CCNQ: variants seen among roughly 807,000 people sequenced by gnomAD.
CCNQ encodes the protein cyclin-Q.
In CCNQ, 3 loss-of-function variants were observed where a neutral mutation model predicts 17.7. The observed-to-expected ratio is 0.17, with a 90% CI of 0.08 to 0.44. CCNQ has a LOEUF of 0.44. CCNQ is among the 20% of genes least tolerant of loss of function. The pLI is 0.99. For synonymous variants in CCNQ, 73 were observed against 96.0 expected, an observed-to-expected ratio of 0.76 and a Z score of 1.40; for missense variants, 146 against 222.6, an observed-to-expected ratio of 0.66 and a Z score of 2.19.
intron 2 of CCNQ, among the ~76,000 whole-genome samples, chrX:153,595,103 A>AT (rs1399513234): frequency 4.4e-4 from 50 of 112,526 alleles, no homozygotes; most frequent in African/African-American, 1.3e-3. Flanking sequence ...CAAGGAACGT[A>AT]TTTTTTTAAC....
chrX:153,592,773 G>A lies in CCNQ; in HGVS notation c.430-40C>T, dbSNP rs782404354. 4 of 1,110,197 alleles carry A rather than the reference G, an allele frequency of 3.6e-6. No homozygotes were observed. In the East Asian group the frequency reaches 9.4e-5, roughly 26 times the overall value. 91.5% of individuals were successfully genotyped at this position (1,110,197 alleles called of 1,213,427 possible). A position where few individuals can be genotyped will look rare whatever the true frequency, so the allele number is the denominator to read the frequency against. On this transcript the variant is annotated intron_variant, in intron 3 of 4. Coordinates refer to ENST00000576892, the MANE Select transcript of CCNQ (RefSeq NM_152274.5). ...GTGTCAGCCTTTAGGCCCACCAGCTGCTCTCCTCATGCTGACATAATCATA... is the reference window on the plus strand; with the variant it reads ...GTGTCAGCCTTTAGGCCCACCAGCTACTCTCCTCATGCTGACATAATCATA...
Position 153,593,232 on chromosome X carries a change from C to T in CCNQ, c.430-499G>A, listed in dbSNP as rs143182581. Among the ~76,000 whole-genome samples, 9 of 112,907 alleles carry T rather than the reference C, an allele frequency of 8.0e-5. No homozygotes were observed. The East Asian group carries it at 1.4e-3, about 17-fold the overall frequency. ...CCAGCTCCTGCTCTCAGAACACTGACATTTTGCCAGAACCTCACACAATAA... is the reference window on the plus strand; with the variant it reads ...CCAGCTCCTGCTCTCAGAACACTGATATTTTGCCAGAACCTCACACAATAA... On this transcript the variant is annotated intron_variant, in intron 3 of 4. Coordinates refer to ENST00000576892, the MANE Select transcript of CCNQ (RefSeq NM_152274.5).
chrX:153,595,811 C>T (rs1332013883), intron 2 of CCNQ, among the ~76,000 whole-genome samples, 193 bp downstream of exon 2: 1 of 112,753 alleles, frequency 8.9e-6, no homozygotes, highest in Non-Finnish European at 1.9e-5. Flanking sequence ...CTCTCACAGA[C>T]CCCACTGGCC....
Position 153,599,066 on chromosome X carries a change from G to A in CCNQ, c.8C>T (p.Ala3Val), listed in dbSNP as rs1461603323. 2 of 1,036,042 alleles carry A rather than the reference G, an allele frequency of 1.9e-6. No individual in the cohort carries two copies. The highest frequency in any genetic ancestry group is 2.5e-6 in the Non-Finnish European group (2 of 804,900). The allele number at this position is 1,036,042 out of a possible 1,213,427, so 85.4% of individuals were successfully genotyped here. A position where few individuals can be genotyped will look rare whatever the true frequency, so the allele number is the denominator to read the frequency against. ME[A>V]PEGGGGGPAA... Reference sequence around the variant, plus strand: ...AGGCCCCCCTCCGCCGCCCTCCGGGGCTTCCATGAGGCGCCGCGGCACCGG... The same window carrying A: ...AGGCCCCCCTCCGCCGCCCTCCGGGACTTCCATGAGGCGCCGCGGCACCGG... Residue 3 changes from alanine to valine, a missense_variant, in exon 1 of 5, where the codon GCC becomes GTC. Physicochemically the swap from Ala to Val is moderately conservative, Grantham distance 64 (BLOSUM62 0). Coordinates refer to ENST00000576892, the MANE Select transcript of CCNQ (RefSeq NM_152274.5).
chrX:153,594,696 C>T lies in CCNQ; in HGVS notation c.297-17G>A. 8.3e-7 allele frequency: 1 copy of T among 1,211,249 alleles called. No homozygotes were observed. Among genetic ancestry groups the T allele is most frequent in the Non-Finnish European group, 1.1e-6 (1 of 895,055 alleles). ...TTAAAGTACCTGCGCAGAGAAATGG[C>T]AATGCTTCAGCAGCCAGGGCAGTCT... On this transcript the variant is annotated splice_polypyrimidine_tract_variant and intron_variant, in intron 2 of 4. Transcript: ENST00000576892.
chrX:153,593,589 C>A (rs2091006874), intron 3 of CCNQ, among the ~76,000 whole-genome samples: 1 of 112,409 alleles, frequency 8.9e-6, no homozygotes, highest in South Asian at 3.7e-4. Context: ...CAGACCAGGG[C>A]TTTCCAGGTA....
chrX:153,594,365 C>T (rs1426222341), intron 3 of CCNQ, among the ~76,000 whole-genome samples, 182 bp downstream of exon 3: 1 of 112,953 alleles, frequency 8.9e-6, no homozygotes, highest in Non-Finnish European at 1.9e-5. Context: ...AGGGGTGGGA[C>T]GGGAGAGGCC....
chrX:153,596,615 G>C (rs1557027165), intron 1 of CCNQ, among the ~76,000 whole-genome samples: 1 of 112,705 alleles, frequency 8.9e-6, no homozygotes, highest in African/African-American at 3.2e-5. Flanking sequence ...CTAGCTAGAA[G>C]TCGCCCACCC....
Position 153,599,019 on chromosome X carries a change from GC to G in CCNQ, c.54del (p.Gln19SerfsTer23). The part of the protein sequence containing the change: ...GGGPAARGPE[G>X]QPAPEARVHF... ...TGCACCCTGGCTTCGGGCGCCGGCT[GC>G]CCCTCCGGGCCCCGCGCTGCAGGCC... On this transcript the variant is annotated frameshift_variant, in exon 1 of 5. Coordinates refer to ENST00000576892, the MANE Select transcript of CCNQ (RefSeq NM_152274.5). LOFTEE classifies it high-confidence loss of function. 1 of 1,112,692 alleles carries G rather than the reference GC, an allele frequency of 9.0e-7. No individual in the cohort carries two copies. Among genetic ancestry groups the G allele is most frequent in the Non-Finnish European group, 1.2e-6 (1 of 849,562 alleles). The allele number at this position is 1,112,692 out of a possible 1,213,427, so 91.7% of individuals were successfully genotyped here. A position where few individuals can be genotyped will look rare whatever the true frequency, so the allele number is the denominator to read the frequency against.
intron 4 of CCNQ, among the ~76,000 whole-genome samples, chrX:153,590,035 C>G (rs1229408963): frequency 9.2e-6 from 1 of 108,986 alleles, no homozygotes; most frequent in Non-Finnish European, 1.9e-5. Flanking sequence ...CAAGATCAGC[C>G]TGGCCAACAT....
At chrX:153,594,390 G>A (rs1557026458) in intron 3 of CCNQ, among the ~76,000 whole-genome samples, 157 bp downstream of exon 3, 2 of 113,065 alleles carry the variant, frequency 1.8e-5, no homozygotes. Context: ...GGCCAACCCA[G>A]CCACAAACAC....
chrX:153,590,310 A>C (rs1349852940), intron 4 of CCNQ, among the ~76,000 whole-genome samples: 2 of 106,079 alleles, frequency 1.9e-5, no homozygotes, highest in African/African-American at 6.8e-5. Flanking sequence ...GAATATGTTA[A>C]TATCATATGG....
At chrX:153,591,674 G>C (rs1157345081) in intron 4 of CCNQ, among the ~76,000 whole-genome samples, 2 of 110,794 alleles carry the variant, frequency 1.8e-5, no homozygotes, top group Non-Finnish European at 3.8e-5. Context: ...CGAGCGTGGG[G>C]CAACACTGTC....
chrX:153,592,925 A>G (rs1569536815), intron 3 of CCNQ, among the ~76,000 whole-genome samples, 192 bp from the exon 4 acceptor site: 1 of 111,405 alleles, frequency 9.0e-6, no homozygotes, highest in Non-Finnish European at 1.9e-5. Flanking sequence ...GGGCCTTCGC[A>G]CTTGCTGAGC....
rs1557027069 is a variant in CCNQ at position 153,596,183 on chromosome X, G to C, written c.117C>G (p.Val39=). 8.3e-7 allele frequency: 1 copy of C among 1,211,877 alleles called. No individual in the cohort carries two copies. The highest frequency in any genetic ancestry group is 3.0e-5 in the East Asian group (1 of 33,864). ...TGGGAATGGACCGCATCCCTAGCTT[G>C]ACACCTGCGGAGAGAAAGCAGGCAA... ...RVARFIMEAG[V]KLGMRSIPIA... Residue 39 remains valine (V), a synonymous_variant, in exon 2 of 5, where the codon GTC becomes GTG. Coordinates refer to ENST00000576892, the MANE Select transcript of CCNQ (RefSeq NM_152274.5).
At chrX:153,598,731 C>A (rs1036355836) in intron 1 of CCNQ, among the ~76,000 whole-genome samples, 16 of 113,461 alleles carry the variant, frequency 1.4e-4, no homozygotes, top group Non-Finnish European at 1.9e-4. Flanking sequence ...GAGGCCCAAC[C>A]CGGCCACGTC....
At chrX:153,589,419 C>T (rs1030695193) in intron 4 of CCNQ, among the ~76,000 whole-genome samples, 1 of 113,112 alleles carries the variant, frequency 8.8e-6, no homozygotes, top group Non-Finnish European at 1.9e-5. Context: ...TCCTGGAGCC[C>T]GCCCTGTGCG....
intron 3 of CCNQ, among the ~76,000 whole-genome samples, chrX:153,593,074 C>T (rs1427904386): frequency 8.9e-6 from 1 of 112,436 alleles, no homozygotes; most frequent in Non-Finnish European, 1.9e-5. Context: ...TGAAATTCCT[C>T]GGGGCCTGGT....
intron 4 of CCNQ, among the ~76,000 whole-genome samples, chrX:153,592,050 A>T (rs1479484763): frequency 1.8e-5 from 2 of 110,433 alleles, no homozygotes; most frequent in Admixed American, 9.6e-5. Context: ...AATACCTATC[A>T]ATCACCCGCC....
Sources: gnomAD v4.1 joint callset for allele counts (sites outside exome capture counted in the v4.1 genomes callset) on GRCh38, gnomAD v4.1.1 for gene constraint, MANE v1.5 for transcripts, NCBI Gene and HGNC (gene_info 2026-07-23, HGNC 2026-07-21) for gene names.